The following EPM2A variants were observed in gnomAD, a reference collection of about 807,000 sequenced individuals.
EPM2A encodes the protein EPM2A glucan phosphatase, laforin.
Under a neutral mutation model 26.5 loss-of-function variants are expected in EPM2A, and 21 were observed. The observed-to-expected ratio is 0.79, with a 90% CI of 0.56 to 1.14. The LOEUF (loss-of-function observed/expected upper bound fraction) is 1.14. Ranked by LOEUF, EPM2A falls within the 50% of genes most tolerant of loss-of-function variation. The probability of loss-of-function intolerance (pLI) is 0.00; values close to 1 mark genes in which losing one functional copy is unlikely to be tolerated. For missense variants in EPM2A, 458 were observed against 440.8 expected (o/e 1.04, Z -0.35); for synonymous variants, 217 against 177.6 (o/e 1.22, Z -1.76).
intron 2 of EPM2A, among the ~76,000 whole-genome samples, chr6:145,617,942 CA>C (rs1010572006): frequency 3.3e-5 from 5 of 151,900 alleles, no homozygotes; most frequent in Non-Finnish European, 7.4e-5. Context: ...GATCCTGTCT[CA>C]AAAAAAATTT....
chr6:145,728,769 G>C (rs1361004846), intron 1 of EPM2A, among the ~76,000 whole-genome samples: 1 of 152,198 alleles, frequency 6.6e-6, no homozygotes, highest in Non-Finnish European at 1.5e-5. Flanking sequence ...AGGAATTCAA[G>C]CCAGCTGTAG....
chr6:145,615,062 C>T (rs945931629), intron 2 of EPM2A, among the ~76,000 whole-genome samples: 10 of 152,150 alleles, frequency 6.6e-5, no homozygotes, highest in African/African-American at 1.9e-4. Context: ...TTATGGCCAT[C>T]GGTATTAGCC....
At chr6:145,578,016 C>T (rs1781058755) in intron 2 of EPM2A, among the ~76,000 whole-genome samples, 1 of 151,880 alleles carries the variant, frequency 6.6e-6, no homozygotes, top group African/African-American at 2.4e-5. Context: ...ACAATGGAAA[C>T]ACAAGATACC....
rs548723245 is a variant in EPM2A, at chr6:145,702,980, T to C, written c.302-16684A>G. ...GAGTTAACTTTTATTAATCTCTTCT[T>C]ATTGGTTTATTCCTATCTGTGGGAC... On this transcript the variant is annotated intron_variant, in intron 1 of 3. Transcript: ENST00000367519. Among the ~76,000 whole-genome samples, 5 of 152,360 alleles carry C rather than the reference T, an allele frequency of 3.3e-5. No individual in the cohort carries two copies. The South Asian group carries it at 1.0e-3, about 32-fold the overall frequency.
intron 2 of EPM2A, among the ~76,000 whole-genome samples, chr6:145,527,475 T>C (rs547501041): frequency 1.3e-5 from 2 of 152,288 alleles, no homozygotes; most frequent in South Asian, 2.1e-4. Flanking sequence ...CGCTCCAACA[T>C]TGGGTGCATA....
intron 2 of EPM2A, among the ~76,000 whole-genome samples, chr6:145,556,323 T>G (rs1216123626): frequency 2.0e-5 from 3 of 152,088 alleles, no homozygotes; most frequent in African/African-American, 7.2e-5. Context: ...TTTTTCTCAT[T>G]TCCTTGTGCA....
At chr6:145,424,986 C>CTATT (rs75228394) in intron 4 of EPM2A, among the ~76,000 whole-genome samples, 120,281 of 151,668 alleles carry the variant, frequency 0.79, 47,809 homozygotes, top group East Asian at 0.91. Context: ...CCATATCTAT[C>CTATT]TATTTATCTA....
chr6:145,552,280 A>G (rs1333303897), intron 2 of EPM2A, among the ~76,000 whole-genome samples: 1 of 152,068 alleles, frequency 6.6e-6, no homozygotes, highest in East Asian at 1.9e-4. Context: ...AAATGAAAAT[A>G]AATTATATTT....
intron 1 of EPM2A, among the ~76,000 whole-genome samples, chr6:145,687,703 G>T (rs905696410): frequency 6.6e-6 from 1 of 152,056 alleles, no homozygotes; most frequent in Non-Finnish European, 1.5e-5. Flanking sequence ...CTTGGCGTAA[G>T]CTCTCAAAAA....
intron 4 of EPM2A, among the ~76,000 whole-genome samples, chr6:145,425,103 T>C (rs1414304562): frequency 1.3e-5 from 2 of 151,834 alleles, no homozygotes; most frequent in African/African-American, 4.8e-5. Context: ...TTAGTAGCTT[T>C]GGATGTAAGT....
chr6:145,507,291 A>T (rs775782093), intron 2 of EPM2A, among the ~76,000 whole-genome samples: 2 of 152,218 alleles, frequency 1.3e-5, no homozygotes, highest in Non-Finnish European at 2.9e-5. Context: ...GTAAAAATCA[A>T]CTCTGAGTTT....
At chr6:145,680,135 G>A (rs1337585005) in intron 2 of EPM2A, 2 of 151,932 alleles carry the variant, frequency 1.3e-5, no homozygotes, top group Non-Finnish European at 2.9e-5. Context: ...GGCTGCCTGT[G>A]GAAAGACAAA....
chr6:145,588,282 G>A, intron 2 of EPM2A, among the ~76,000 whole-genome samples: 1 of 152,236 alleles, frequency 6.6e-6, no homozygotes, highest in African/African-American at 2.4e-5. Context: ...GAATACTGTA[G>A]GGAAATAAGT....
chr6:145,612,255 G>A (rs960914228), intron 2 of EPM2A, among the ~76,000 whole-genome samples: 2 of 151,996 alleles, frequency 1.3e-5, no homozygotes, highest in Non-Finnish European at 2.9e-5. Context: ...ATTAGATTTT[G>A]CATTTTATAA....
intron 4 of EPM2A, among the ~76,000 whole-genome samples, chr6:145,414,332 G>C (rs1293685394): frequency 1.3e-5 from 2 of 151,786 alleles, no homozygotes; most frequent in Non-Finnish European, 2.9e-5. Flanking sequence ...TGGCTTTCTT[G>C]ATGCCGGTTG....
At chr6:145,618,509 T>G (rs1249863374) in intron 2 of EPM2A, among the ~76,000 whole-genome samples, 1 of 152,206 alleles carries the variant, frequency 6.6e-6, no homozygotes, top group Admixed American at 6.5e-5. Context: ...GGTAATTTAA[T>G]CATGGCAGTG....
chr6:145,551,647 T>C (rs558515864), intron 2 of EPM2A, among the ~76,000 whole-genome samples: 2 of 152,142 alleles, frequency 1.3e-5, no homozygotes, highest in East Asian at 3.9e-4. Flanking sequence ...TTTGAGTTGG[T>C]TGTGTCACTC....
chr6:145,601,494 C>T (rs77166037), intron 2 of EPM2A, among the ~76,000 whole-genome samples: 5,015 of 152,260 alleles, frequency 0.033, 186 homozygotes, highest in East Asian at 0.17. Context: ...GAAGAACTTA[C>T]AGGTCTTAAA....
intron 2 of EPM2A, among the ~76,000 whole-genome samples, chr6:145,673,951 G>A (rs1295742476): frequency 6.6e-6 from 1 of 152,224 alleles, no homozygotes; most frequent in Non-Finnish European, 1.5e-5. Context: ...GGTTCTCCCA[G>A]CATTTGAGCA....
Sources: gnomAD v4.1 joint callset for allele counts (sites outside exome capture counted in the v4.1 genomes callset) on GRCh38, gnomAD v4.1.1 for gene constraint, MANE v1.5 for transcripts, NCBI Gene and HGNC (gene_info 2026-07-23, HGNC 2026-07-21) for gene names.